Variants in CELF2 observed in about 807,000 individuals in gnomAD.
The protein encoded by CELF2 is CUGBP Elav-like family member 2, also known as CUG triplet repeat RNA-binding protein 2.
Under a neutral mutation model 62.6 loss-of-function variants are expected in CELF2, and 8 were observed. That is an observed-to-expected ratio of 0.13 (90% CI 0.07 to 0.23). CELF2 has a LOEUF of 0.23. CELF2 is among the 10% of genes least tolerant of loss of function. CELF2 has a pLI of 1.00. For synonymous variants in CELF2, 258 were observed against 250.0 expected (o/e 1.03, Z -0.30); for missense variants, 333 against 671.0 (o/e 0.50, Z 5.56).
chr10:10,525,359 AT>A, the CELF2 span, among the ~76,000 whole-genome samples: 2 of 147,534 alleles, frequency 1.4e-5, no homozygotes, highest in Admixed American at 6.6e-5. Flanking sequence ...ACCTGATGAG[AT>A]TTTTTTGCAA....
In CELF2 at chr10:11,246,107, C is replaced by T. The variant is rs2075528365; in HGVS notation, c.355-3046C>T. On this transcript the variant is annotated intron_variant, in intron 3 of 12. Transcript: ENST00000633077. The surrounding 1 kb of genome is among the most constrained non-coding windows in gnomAD (Gnocchi z 4.6). ...TCCCGAATTTCCACCTGCCATCATC[C>T]ACGCATTTCACAGATGCATCTGAAT... 6.6e-6 allele frequency among the ~76,000 whole-genome samples: 1 copy of T among 152,138 alleles called. No homozygotes were observed. The highest frequency in any genetic ancestry group is 1.5e-5 in the Non-Finnish European group (1 of 68,028).
At chr10:10,742,935 T>C in the CELF2 span, among the ~76,000 whole-genome samples, 3 of 152,256 alleles carry the variant, frequency 2.0e-5, no homozygotes, top group South Asian at 2.1e-4. Flanking sequence ...CTCAACTTTA[T>C]GGAGAAACAT....
the CELF2 span, among the ~76,000 whole-genome samples, chr10:10,543,309 A>G: frequency 1.3e-5 from 2 of 152,118 alleles, no homozygotes; most frequent in South Asian, 4.1e-4. Flanking sequence ...TTCTCCGTCT[A>G]AGCTAAAAAA....
chr10:10,471,124 C>T, the CELF2 span, among the ~76,000 whole-genome samples: 1 of 151,208 alleles, frequency 6.6e-6, no homozygotes, highest in Non-Finnish European at 1.5e-5. Flanking sequence ...AGAATATGCC[C>T]AATAATCAAT....
Position 11,199,024 on chromosome 10 carries a change from G to A in CELF2, c.272-18401G>A, listed in dbSNP as rs547634369. Among the ~76,000 whole-genome samples the A allele has an allele frequency of 6.6e-5, 10 of 152,314 alleles. No individual in the cohort carries two copies. In the South Asian group the frequency reaches 2.1e-3, roughly 32 times the overall value. On this transcript the variant is annotated intron_variant, in intron 2 of 12. Coordinates refer to ENST00000633077, the MANE Select transcript of CELF2 (RefSeq NM_001326342.2). Reference sequence around the variant, plus strand: ...CCTGGCCTTGTATAGACCAAGAGTAGTTGACTTTCCAGGTAACCATGGATA... The same window carrying A: ...CCTGGCCTTGTATAGACCAAGAGTAATTGACTTTCCAGGTAACCATGGATA...
chr10:10,863,070 G>T (rs1215061748), intron 1 of CELF2, among the ~76,000 whole-genome samples: 1 of 152,196 alleles, frequency 6.6e-6, no homozygotes, highest in African/African-American at 2.4e-5. Context: ...CACCAGTTGT[G>T]CTAAGAGGCT....
chr10:10,598,586 T>C, the CELF2 span, among the ~76,000 whole-genome samples: 1 of 152,156 alleles, frequency 6.6e-6, no homozygotes, highest in South Asian at 2.1e-4. Flanking sequence ...CATGTCGTTA[T>C]GAAGCTACAC....
chr10:10,616,725 A>T, the CELF2 span, among the ~76,000 whole-genome samples: 10 of 149,474 alleles, frequency 6.7e-5, no homozygotes, highest in African/African-American at 2.5e-4. Context: ...TGTGTGAGAG[A>T]GAGAGAGAGA....
the CELF2 span, among the ~76,000 whole-genome samples, chr10:10,563,445 A>G: frequency 1.3e-5 from 2 of 152,020 alleles, no homozygotes; most frequent in South Asian, 2.1e-4. Context: ...ACCCGTCTCT[A>G]CTAAAACTAC....
chr10:10,896,881 A>T (rs1455778589), intron 1 of CELF2, among the ~76,000 whole-genome samples: 1 of 152,190 alleles, frequency 6.6e-6, no homozygotes, highest in African/African-American at 2.4e-5. Flanking sequence ...AAGTTGAACA[A>T]TTGTAAGTTG....
At chr10:11,272,324 A>G (rs1377968907) in intron 7 of CELF2, among the ~76,000 whole-genome samples, 5 of 152,230 alleles carry the variant, frequency 3.3e-5, no homozygotes, top group African/African-American at 4.8e-5. Context: ...ATTGCTTTAA[A>G]AGAGAAATGA....
In CELF2 at chr10:10,918,712, A is replaced by G. The variant is rs144615080; in HGVS notation, c.54-1252A>G. ...TTGACACATTGGATTCAGGAGGTCA[A>G]TGAACCGTCTGCAAGTGTGTACCAC... On this transcript the variant is annotated intron_variant, in intron 1 of 13. Coordinates refer to the CELF2 transcript ENST00000636488. Among the ~76,000 whole-genome samples, 539 of 152,366 alleles carry G rather than the reference A, an allele frequency of 3.5e-3. 3 individuals are homozygous for G. The highest frequency in any genetic ancestry group is 0.013 in the African/African-American group (521 of 41,596).
intron 1 of CELF2, among the ~76,000 whole-genome samples, chr10:11,034,331 A>C (rs982455200): frequency 1.3e-5 from 2 of 149,986 alleles, no homozygotes; most frequent in Admixed American, 1.3e-4. Flanking sequence ...TGAGGTAAAT[A>C]TTATAATGGG....
At position 11,319,845 on chromosome 10, in the gene CELF2, G is replaced by A; in HGVS notation, c.1097-1344G>A. 1 of 471,084 alleles carries A rather than the reference G, an allele frequency of 2.1e-6. No individual in the cohort carries two copies. 29.2% of individuals were successfully genotyped at this position (471,084 alleles called of 1,614,324 possible). A position where few individuals can be genotyped will look rare whatever the true frequency, so the allele number is the denominator to read the frequency against. On this transcript the variant is annotated intron_variant, in intron 10 of 12. Transcript: ENST00000633077. The surrounding 1 kb of genome is among the most constrained non-coding windows in gnomAD (Gnocchi z 4.4). The stretch of plus-strand genomic sequence containing the variant: ...AGTTGGCCAAATAGAAGCACAAGTG[G>A]AGTAAACAGAACATTCCCCACCTGC...
At chr10:10,529,886 C>A in the CELF2 span, among the ~76,000 whole-genome samples, 2 of 152,154 alleles carry the variant, frequency 1.3e-5, no homozygotes, top group African/African-American at 2.4e-5. Flanking sequence ...GTGCCACCAT[C>A]TTTAGGCTGT....
chr10:10,842,831 G>C (rs2058767982), intron 1 of CELF2, among the ~76,000 whole-genome samples: 1 of 151,932 alleles, frequency 6.6e-6, no homozygotes, highest in South Asian at 2.1e-4. Context: ...CACTTTCTTT[G>C]CTTCTATTTT....
the CELF2 span, among the ~76,000 whole-genome samples, chr10:10,624,166 G>A: frequency 7.2e-5 from 11 of 152,306 alleles, no homozygotes; most frequent in South Asian, 4.1e-4. Context: ...CCCTGTCTCC[G>A]TGGCCTCCGC....
At chr10:10,774,150 A>G in the CELF2 span, among the ~76,000 whole-genome samples, 4 of 152,222 alleles carry the variant, frequency 2.6e-5, no homozygotes, top group South Asian at 2.1e-4. Context: ...CAGCAGAGAA[A>G]TATTTATTAA....
the CELF2 span, among the ~76,000 whole-genome samples, chr10:10,787,273 C>T: frequency 2.0e-5 from 3 of 152,086 alleles, no homozygotes; most frequent in South Asian, 6.2e-4. Context: ...TTATATCAAG[C>T]CTTTTTTTGC....
Sources: gnomAD v4.1 joint callset for allele counts (sites outside exome capture counted in the v4.1 genomes callset) on GRCh38, gnomAD v4.1.1 for gene constraint, Gnocchi (gnomAD v3.1) non-coding constraint, MANE v1.5 for transcripts, NCBI Gene and HGNC (gene_info 2026-07-23, HGNC 2026-07-21) for gene names.